The following GSE1 variants were observed in gnomAD, a reference collection of about 807,000 sequenced individuals.
The protein encoded by GSE1 is Gse1 coiled-coil protein.
GSE1 carries 32 observed loss-of-function variants against 112.6 expected under a neutral mutation model. That is an observed-to-expected ratio of 0.28 (90% CI 0.21 to 0.38). GSE1 has a LOEUF of 0.38. Ranked by LOEUF, GSE1 falls within the 10% of genes least tolerant of loss-of-function variation. The pLI, the probability that GSE1 is intolerant of heterozygous loss-of-function variation, is 1.00. For synonymous variants in GSE1, 1,115 were observed against 735.6 expected, an observed-to-expected ratio of 1.52 and a Z score of -8.35; for missense variants, 2,348 against 1,699.2, an observed-to-expected ratio of 1.38 and a Z score of -6.71.
In GSE1 at chr16:85,256,117, G is replaced by A. The variant is rs896202995; in HGVS notation, c.2283+84310G>A. On this transcript the variant is annotated intron_variant, in intron 1 of 2. Transcript: ENST00000637419. Reference sequence around the variant, plus strand: ...AGTGTTGTGGGGCTGAAACAGTGCCGGTTTTTCTGGTTAAATCATGCGGTG... The same window carrying A: ...AGTGTTGTGGGGCTGAAACAGTGCCAGTTTTTCTGGTTAAATCATGCGGTG... 5.9e-5 allele frequency among the ~76,000 whole-genome samples: 9 copies of A among 152,166 alleles called. 1 individual carries two copies. The highest frequency in any genetic ancestry group is 1.3e-4 in the Non-Finnish European group (9 of 68,042).
rs1038495366 is a variant in GSE1, at chr16:85,660,612, C to G, written c.1641-534C>G. 2.6e-5 allele frequency among the ~76,000 whole-genome samples: 4 copies of G among 152,204 alleles called. No individual in the cohort carries two copies. In the East Asian group the frequency reaches 7.8e-4, roughly 30 times the overall value. ...TGAGCTTGCCCCACTGCACTCCTGC[C>G]TGGGTGACAGAGTGAGTCTTTTTTT... On this transcript the variant is annotated intron_variant, in intron 8 of 15. Transcript: ENST00000253458.
At chr16:85,429,382 C>G (rs2049066569) in intron 2 of GSE1, among the ~76,000 whole-genome samples, 1 of 152,238 alleles carries the variant, frequency 6.6e-6, no homozygotes, top group Non-Finnish European at 1.5e-5. Flanking sequence ...AGGAGTTGCG[C>G]TGCTGCCCCG....
At chr16:85,623,732 A>G (rs2048885261) in intron 1 of GSE1, among the ~76,000 whole-genome samples, 1 of 152,142 alleles carries the variant, frequency 6.6e-6, no homozygotes, top group Non-Finnish European at 1.5e-5. Context: ...TTTTCCAGTC[A>G]TCACCATCTC....
chr16:85,538,952 G>T (rs971568794), intron 2 of GSE1, among the ~76,000 whole-genome samples: 1 of 152,138 alleles, frequency 6.6e-6, no homozygotes, highest in Admixed American at 6.5e-5. Context: ...TGTTCACCAG[G>T]AGTGGGTCTG....
At chr16:85,392,246 C>T (rs1227567718) in intron 2 of GSE1, among the ~76,000 whole-genome samples, 1 of 152,220 alleles carries the variant, frequency 6.6e-6, no homozygotes, top group African/African-American at 2.4e-5. Context: ...CCGACTCCTT[C>T]AGGACTACAG....
At chr16:85,626,470 A>G (rs956548641) in intron 1 of GSE1, among the ~76,000 whole-genome samples, 12 of 152,146 alleles carry the variant, frequency 7.9e-5, no homozygotes, top group African/African-American at 2.9e-4. Flanking sequence ...GACGCCCTTT[A>G]TTTGTTCACA....
At chr16:85,662,868 G>A in intron 9 of GSE1, 113 bp from the exon 10 acceptor site, 1 of 722,146 alleles carries the variant, frequency 1.4e-6, no homozygotes, top group Non-Finnish European at 2.4e-6. Flanking sequence ...AGGGTGTTCA[G>A]GTGCCAGCAG....
chr16:85,331,493 G>GTATATATGTA (rs993518877), intron 1 of GSE1, among the ~76,000 whole-genome samples: 1 of 112,912 alleles, frequency 8.9e-6, no homozygotes, highest in Non-Finnish European at 1.9e-5. Flanking sequence ...GTATATATGT[G>GTATATATGTA]TATATGTGTA....
chr16:85,174,874 A>G (rs1474102086), intron 1 of GSE1, among the ~76,000 whole-genome samples: 2 of 152,206 alleles, frequency 1.3e-5, no homozygotes, highest in Non-Finnish European at 2.9e-5. Flanking sequence ...CCATTTCCTC[A>G]TGCCAGCCCC....
chr16:85,402,262 C>T (rs956365992), intron 2 of GSE1, among the ~76,000 whole-genome samples: 1 of 152,168 alleles, frequency 6.6e-6, no homozygotes, highest in African/African-American at 2.4e-5. Flanking sequence ...TCCACCGGGC[C>T]ACCGTGTTTT....
At chr16:85,464,679 G>A (rs901054366) in intron 2 of GSE1, among the ~76,000 whole-genome samples, 52 of 152,240 alleles carry the variant, frequency 3.4e-4, no homozygotes, top group South Asian at 1.0e-3. Flanking sequence ...TGCAGGGTGT[G>A]GTGGTTGGAT....
At chr16:85,493,896 A>G (rs1033866413) in intron 2 of GSE1, among the ~76,000 whole-genome samples, 4 of 151,972 alleles carry the variant, frequency 2.6e-5, no homozygotes, top group Admixed American at 2.0e-4. Flanking sequence ...CCTGCGCAAT[A>G]TAAGTGAGAC....
intron 1 of GSE1, among the ~76,000 whole-genome samples, chr16:85,632,777 C>G (rs2049648345): frequency 6.6e-6 from 1 of 152,054 alleles, no homozygotes; most frequent in South Asian, 2.1e-4. Context: ...GCCCCAGCGC[C>G]CCCCCGCCCC....
chr16:85,521,303 T>G (rs1428329582), intron 2 of GSE1, among the ~76,000 whole-genome samples: 2 of 152,146 alleles, frequency 1.3e-5, no homozygotes, highest in Non-Finnish European at 2.9e-5. Context: ...TACTTAAACC[T>G]CACCTCGCGC....
At position 85,277,422 on chromosome 16, in the gene GSE1, G is replaced by T. The variant is rs974313129; in HGVS notation, c.2284-80041G>T. ...GAAAGGCGGAAGAGGCTGAGCTGCC[G>T]GTCTGGTGGGGCCTGTCCCTTGGGC... On this transcript the variant is annotated intron_variant, in intron 1 of 2. Transcript: ENST00000637419. Among the ~76,000 whole-genome samples the T allele has an allele frequency of 5.9e-5, 9 of 152,318 alleles. No homozygotes were observed. The East Asian group carries it at 1.7e-3, about 29-fold the overall frequency.
chr16:85,493,136 G>A (rs867521132), intron 2 of GSE1, among the ~76,000 whole-genome samples: 2 of 152,330 alleles, frequency 1.3e-5, no homozygotes, highest in African/African-American at 4.8e-5. Context: ...AGGGAGGGGC[G>A]ATGCAGAGGC....
intron 1 of GSE1, among the ~76,000 whole-genome samples, chr16:85,633,132 G>T: frequency 6.6e-6 from 1 of 152,352 alleles, no homozygotes; most frequent in East Asian, 1.9e-4. Flanking sequence ...CCGCGGTTTG[G>T]ATTTGCGGTT....
intron 1 of GSE1, among the ~76,000 whole-genome samples, chr16:85,613,621 G>C (rs376861316): frequency 0.01 from 1,578 of 151,766 alleles, 14 homozygotes; most frequent in South Asian, 0.048. Flanking sequence ...CTGCGGGCGG[G>C]GACTCGGGGG....
intron 2 of GSE1, among the ~76,000 whole-genome samples, chr16:85,378,118 C>T (rs1028111831): frequency 2.6e-5 from 4 of 152,264 alleles, no homozygotes; most frequent in East Asian, 1.9e-4. Flanking sequence ...TGCCAGGGCT[C>T]GGGGCAGGGC....
Sources: gnomAD v4.1 joint callset for allele counts (sites outside exome capture counted in the v4.1 genomes callset) on GRCh38, gnomAD v4.1.1 for gene constraint, MANE v1.5 for transcripts, NCBI Gene and HGNC (gene_info 2026-07-23, HGNC 2026-07-21) for gene names.